The following TALDO1 variants were observed in gnomAD, a reference collection of about 807,000 sequenced individuals.
The protein encoded by TALDO1 is transaldolase 1, also known as transaldolase.
Under a neutral mutation model 38.1 loss-of-function variants are expected in TALDO1, and 29 were observed. That is an observed-to-expected ratio of 0.76 (90% CI 0.57 to 1.04). The LOEUF is 1.04. Ranked by LOEUF, TALDO1 falls within the 50% of genes least tolerant of loss-of-function variation. TALDO1 has a pLI of 0.00. For missense variants in TALDO1, 499 were observed against 438.1 expected, an observed-to-expected ratio of 1.14 and a Z score of -1.24; for synonymous variants, 207 against 176.8, an observed-to-expected ratio of 1.17 and a Z score of -1.36.
intron 1 of TALDO1, among the ~76,000 whole-genome samples, chr11:754,671 C>T (rs930631757): frequency 1.3e-5 from 2 of 152,002 alleles, no homozygotes; most frequent in African/African-American, 4.8e-5. Context: ...TGGGTTTCAC[C>T]ATTTTGGCCA....
rs1863005021 is a variant in TALDO1, at chr11:763,946, T to TGA, written c.835+4_835+5dup. ...TGCCTGTGCTCTCAGCCAAGGCGGG[T>TGA]GAGGCCCCACTGCCCAGCTGTGGCT... On this transcript the variant is annotated splice_region_variant and intron_variant, in intron 6 of 7. Coordinates refer to ENST00000319006, the MANE Select transcript of TALDO1 (RefSeq NM_006755.2). 6.2e-7 allele frequency: 1 copy of TGA among 1,607,060 alleles called. No individual in the cohort carries two copies. Among genetic ancestry groups the TGA allele is most frequent in the African/African-American group, 1.3e-5 (1 of 74,848 alleles).
At chr11:749,644 C>T (rs1862719272) in intron 1 of TALDO1, among the ~76,000 whole-genome samples, 1 of 152,138 alleles carries the variant, frequency 6.6e-6, no homozygotes, top group Admixed American at 6.6e-5. Flanking sequence ...TGTGATCCTC[C>T]CCATTTTGCA....
At chr11:753,270 A>G (rs1191065621) in intron 1 of TALDO1, among the ~76,000 whole-genome samples, 1 of 151,612 alleles carries the variant, frequency 6.6e-6, no homozygotes, top group Non-Finnish European at 1.5e-5. Context: ...GGTGGCTCAC[A>G]CCTGTAACCC....
Position 764,443 on chromosome 11 carries a change from G to A in TALDO1, c.981+10G>A, listed in dbSNP as rs1164638952. On this transcript the variant is annotated intron_variant, in intron 7 of 7. Transcript: ENST00000319006. ...GGAGCGGATGCTGACAGTGAGTGTT[G>A]TGTGTGGGTACCTACATATGCCAAG... 1 of 1,609,240 alleles carries A rather than the reference G, an allele frequency of 6.2e-7. No individual in the cohort carries two copies. The highest frequency in any genetic ancestry group is 1.7e-5 in the Admixed American group (1 of 59,344).
chr11:762,824 G>A (rs887066323), intron 4 of TALDO1, among the ~76,000 whole-genome samples: 19 of 152,274 alleles, frequency 1.2e-4, no homozygotes, highest in Admixed American at 7.2e-4. Context: ...AAACCAGGGT[G>A]CTACGGGCCT....
intron 2 of TALDO1, 37 bp downstream of exon 2, chr11:756,039 C>T: frequency 1.2e-6 from 2 of 1,602,648 alleles, no homozygotes; most frequent in Non-Finnish European, 1.7e-6. Flanking sequence ...CAGCTAGGCC[C>T]TCGTGCTAGT....
intron 1 of TALDO1, among the ~76,000 whole-genome samples, chr11:753,901 T>A (rs1206982740): frequency 1.3e-5 from 2 of 151,124 alleles, no homozygotes; most frequent in Non-Finnish European, 2.9e-5. Context: ...AGTGAGACTC[T>A]GTGTCAGAAA....
chr11:764,869 G>C lies in TALDO1; in HGVS notation c.*24G>C, dbSNP rs1804553. On this transcript the variant is annotated 3_prime_UTR_variant, in exon 8 of 8. Coordinates refer to ENST00000319006, the MANE Select transcript of TALDO1 (RefSeq NM_006755.2). The stretch of plus-strand genomic sequence containing the variant: ...AGCGCATCCCTGAGGCTGGACTCCA[G>C]ATCTGCACCGCCGGCCAGCTGGGAT... 1.2e-6 allele frequency: 2 copies of C among 1,613,920 alleles called. No individual in the cohort carries two copies. Among genetic ancestry groups the C allele is most frequent in the Non-Finnish European group, 1.7e-6 (2 of 1,180,048 alleles).
At chr11:754,177 G>T (rs1862795879) in intron 1 of TALDO1, among the ~76,000 whole-genome samples, 2 of 151,804 alleles carry the variant, frequency 1.3e-5, no homozygotes, top group Admixed American at 1.3e-4. Context: ...TAGGGACAGG[G>T]TTTCGCCGTG....
Position 764,816 on chromosome 11 carries a change from C to T in TALDO1, c.985C>T (p.Arg329Ter), listed in dbSNP as rs1170655672. 17 of 1,614,152 alleles carry T rather than the reference C, an allele frequency of 1.1e-5. No homozygotes were observed. Among genetic ancestry groups the T allele is most frequent in the Middle Eastern group, 1.7e-4 (1 of 6,054 alleles). ...CTCGTGCTCTGTTTGTTTCTAGGAACGAATGTTCAATGCAGAGAATGGAAA... is the reference window on the plus strand; with the variant it reads ...CTCGTGCTCTGTTTGTTTCTAGGAATGAATGTTCAATGCAGAGAATGGAAA... ...AVKLERMLTE[R>*]MFNAENGK The change falls in exon 8 of 8, where the codon CGA (arginine) becomes TGA (stop). Residue 329 changes from arginine to a stop codon, truncating the protein, a stop_gained. Transcript: ENST00000319006. LOFTEE classifies it high-confidence loss of function.
At chr11:754,660 C>T (rs553758856) in intron 1 of TALDO1, among the ~76,000 whole-genome samples, 122 of 151,902 alleles carry the variant, frequency 8.0e-4, no homozygotes, top group Non-Finnish European at 1.6e-3. Context: ...TTAGTAGAGA[C>T]TGGGTTTCAC....
chr11:763,208 CGCCCTCA>C, intron 4 of TALDO1, 129 bp from the exon 5 acceptor site: 2 of 187,216 alleles, frequency 1.1e-5, no homozygotes, highest in South Asian at 6.4e-5. Context: ...TCACCTGCCC[CGCCCTCA>C]CCTGCCCCCG....
At chr11:748,579 C>G (rs1350416008) in intron 1 of TALDO1, among the ~76,000 whole-genome samples, 1 of 152,222 alleles carries the variant, frequency 6.6e-6, no homozygotes, top group Non-Finnish European at 1.5e-5. Context: ...GTGACTTCCT[C>G]TCTTTTCTGC....
At chr11:748,815 G>T (rs1419578769) in intron 1 of TALDO1, among the ~76,000 whole-genome samples, 2 of 152,160 alleles carry the variant, frequency 1.3e-5, no homozygotes, top group African/African-American at 4.8e-5. Flanking sequence ...CCCCCCCGTT[G>T]TAGTCCAGAC....
intron 1 of TALDO1, among the ~76,000 whole-genome samples, chr11:755,133 GCCTTTTTTTTTTTT>G (rs1862810340): frequency 7.5e-6 from 1 of 133,694 alleles, no homozygotes; most frequent in African/African-American, 2.8e-5. Context: ...TTTCCCCTTG[GCCTTTTTTTTTTTT>G]TTTTTTTTTT....
At position 764,404 on chromosome 11, in the gene TALDO1, G is replaced by C. The variant is rs866261597; in HGVS notation, c.952G>C (p.Asp318His). Residue 318 changes from aspartate to histidine, a missense_variant, in exon 7 of 8, where the codon GAT (aspartate) becomes CAT (histidine). Asp to His is a moderately conservative substitution (Grantham distance 81, BLOSUM62 -1). Transcript: ENST00000319006. Reference sequence around the variant, plus strand: ...TGACGGGATCCGCAAGTTTGCCGCTGATGCAGTGAAGCTGGAGCGGATGCT... The same window carrying C: ...TGACGGGATCCGCAAGTTTGCCGCTCATGCAGTGAAGCTGGAGCGGATGCT... ...LSDGIRKFAADAVKLERMLTE... is the reference protein window; with the variant it reads ...LSDGIRKFAAHAVKLERMLTE... The C allele has an allele frequency of 2.5e-6, 4 of 1,612,060 alleles. No individual in the cohort carries two copies. The highest frequency in any genetic ancestry group is 3.3e-4 in the Middle Eastern group (2 of 6,056).
intron 1 of TALDO1, among the ~76,000 whole-genome samples, chr11:751,345 C>G (rs1460583689): frequency 2.0e-5 from 3 of 152,164 alleles, no homozygotes; most frequent in Non-Finnish European, 2.9e-5. Flanking sequence ...TTCAAGCAGA[C>G]TGGGTGGTCT....
chr11:761,232 A>T (rs763110651), intron 4 of TALDO1, among the ~76,000 whole-genome samples: 14 of 150,518 alleles, frequency 9.3e-5, no homozygotes, highest in Non-Finnish European at 1.9e-4. Flanking sequence ...GCTACATGGG[A>T]GGCTGAAGCA....
rs1400212400 is a variant in TALDO1, at chr11:759,053, G to A, written c.325G>A (p.Ala109Thr). The change falls in exon 3 of 8, where the codon GCA becomes ACA. Residue 109 changes from alanine to threonine, a missense_variant. Ala to Thr is a moderately conservative substitution (Grantham distance 58, BLOSUM62 0). Coordinates refer to ENST00000319006, the MANE Select transcript of TALDO1 (RefSeq NM_006755.2). ...GGGCCGAGTATCCACAGAAGTAGACGCAAGGTAAGGATGCTTGCTCCTGCA... is the reference window on the plus strand; with the variant it reads ...GGGCCGAGTATCCACAGAAGTAGACACAAGGTAAGGATGCTTGCTCCTGCA... ...IPGRVSTEVD[A>T]RLSFDKDAMV... 1.7e-5 allele frequency: 28 copies of A among 1,610,600 alleles called. No individual in the cohort carries two copies. Among genetic ancestry groups the A allele is most frequent in the Middle Eastern group, 1.6e-4 (1 of 6,070 alleles).
Sources: gnomAD v4.1 joint callset for allele counts (sites outside exome capture counted in the v4.1 genomes callset) on GRCh38, gnomAD v4.1.1 for gene constraint, MANE v1.5 for transcripts, NCBI Gene and HGNC (gene_info 2026-07-23, HGNC 2026-07-21) for gene names.